The following KCTD8 variants were observed in gnomAD, a reference collection of about 807,000 sequenced individuals.
KCTD8 encodes potassium channel tetramerization domain containing 8.
In KCTD8, 27 loss-of-function variants were observed where a neutral mutation model predicts 31.5. That is an observed-to-expected ratio of 0.86 (90% confidence interval 0.63 to 1.18). The LOEUF (loss-of-function observed/expected upper bound fraction) is 1.18. KCTD8 is among the 50% of genes most tolerant of loss of function. The probability of loss-of-function intolerance (pLI) is 0.00; values close to 1 mark genes in which losing one functional copy is unlikely to be tolerated. For synonymous variants in KCTD8, 290 were observed against 280.0 expected, an observed-to-expected ratio of 1.04 and a Z score of -0.36; for missense variants, 658 against 647.7, an observed-to-expected ratio of 1.02 and a Z score of -0.17.
intron 1 of KCTD8, among the ~76,000 whole-genome samples, chr4:44,225,277 G>T (rs780000864): frequency 6.6e-6 from 1 of 152,192 alleles, no homozygotes; most frequent in Non-Finnish European, 1.5e-5. Flanking sequence ...CTAAACATGT[G>T]TCACTTTCCT....
At chr4:44,274,643 T>G (rs1010081254) in intron 1 of KCTD8, among the ~76,000 whole-genome samples, 17 of 151,914 alleles carry the variant, frequency 1.1e-4, no homozygotes, top group Non-Finnish European at 2.2e-4. Context: ...AGTCATTTCT[T>G]GGCCCATGTC....
chr4:44,293,764 G>C (rs755789981), intron 1 of KCTD8: 5 of 449,566 alleles, frequency 1.1e-5, no homozygotes, highest in Non-Finnish European at 1.8e-5. Flanking sequence ...TTGAAACATA[G>C]CCACTTGAAA....
intron 1 of KCTD8, among the ~76,000 whole-genome samples, chr4:44,299,636 G>A (rs1344853495): frequency 1.3e-5 from 2 of 151,766 alleles, no homozygotes; most frequent in Admixed American, 6.5e-5. Context: ...GCTGAGGCAG[G>A]AGAATTGCTT....
At chr4:44,346,843 G>A (rs1719050057) in intron 1 of KCTD8, among the ~76,000 whole-genome samples, 1 of 152,182 alleles carries the variant, frequency 6.6e-6, no homozygotes, top group Non-Finnish European at 1.5e-5. Context: ...GATTGGAATT[G>A]TAAACTTGGT....
intron 1 of KCTD8, among the ~76,000 whole-genome samples, chr4:44,384,142 C>CAA (rs66754022): frequency 2.7e-5 from 4 of 148,916 alleles, no homozygotes; most frequent in African/African-American, 1.0e-4. Flanking sequence ...TGCCTATTAT[C>CAA]AAAAAAAAAC....
chr4:44,202,668 T>C (rs1448758730), intron 1 of KCTD8, among the ~76,000 whole-genome samples: 1 of 152,116 alleles, frequency 6.6e-6, no homozygotes, highest in Non-Finnish European at 1.5e-5. Context: ...AAACTCACTA[T>C]TGGGTATTAT....
rs1028769175 is a variant in KCTD8 at position 44,303,003 on chromosome 4, T to G, written c.962-127753A>C. 6.6e-5 allele frequency among the ~76,000 whole-genome samples: 10 copies of G among 152,214 alleles called. 1 individual carries two copies. The highest frequency in any genetic ancestry group is 2.4e-4 in the African/African-American group (10 of 41,436). On this transcript the variant is annotated intron_variant, in intron 1 of 1. Coordinates refer to ENST00000360029, the MANE Select transcript of KCTD8 (RefSeq NM_198353.3). ...ATGTGGTTTTTGTCTTTGGTTCTGT[T>G]TATATGCTGGATTACATTTATTTAT...
At chr4:44,231,373 T>G (rs1399768623) in intron 1 of KCTD8, among the ~76,000 whole-genome samples, 1 of 152,212 alleles carries the variant, frequency 6.6e-6, no homozygotes, top group Non-Finnish European at 1.5e-5. Context: ...ATAATGTTGA[T>G]GCAAAGCATT....
intron 1 of KCTD8, among the ~76,000 whole-genome samples, chr4:44,199,587 A>G (rs532813963): frequency 6.6e-6 from 1 of 152,268 alleles, no homozygotes; most frequent in South Asian, 2.1e-4. Flanking sequence ...GCATAGATCA[A>G]AACATTTTTT....
At chr4:44,431,591 C>A (rs6855284) in intron 1 of KCTD8, among the ~76,000 whole-genome samples, 28,963 of 150,974 alleles carry the variant, frequency 0.19, 2,885 homozygotes, top group Middle Eastern at 0.24. Flanking sequence ...ACAACAACAA[C>A]AAAAAAAACC....
intron 1 of KCTD8, among the ~76,000 whole-genome samples, chr4:44,265,419 T>C (rs1716315579): frequency 6.6e-6 from 1 of 151,668 alleles, no homozygotes; most frequent in Non-Finnish European, 1.5e-5. Context: ...AGACCAAAAG[T>C]AGATAAAACC....
intron 1 of KCTD8, among the ~76,000 whole-genome samples, chr4:44,412,777 G>C (rs10028853): frequency 6.6e-6 from 1 of 152,184 alleles, no homozygotes; most frequent in Admixed American, 6.5e-5. Context: ...ACAATGATAC[G>C]TAAAAATTGA....
At chr4:44,421,069 G>A (rs1057149694) in intron 1 of KCTD8, among the ~76,000 whole-genome samples, 7 of 151,822 alleles carry the variant, frequency 4.6e-5, no homozygotes, top group Admixed American at 1.3e-4. Context: ...CTTTTGCTTT[G>A]TTTAATTCAG....
chr4:44,240,492 TTTTA>T (rs1715425340), intron 1 of KCTD8, among the ~76,000 whole-genome samples: 1 of 152,110 alleles, frequency 6.6e-6, no homozygotes, highest in Admixed American at 6.5e-5. Context: ...AGTCCCGGGA[TTTTA>T]TTTGTTTGTT....
intron 1 of KCTD8, among the ~76,000 whole-genome samples, chr4:44,175,605 C>T (rs1436014813): frequency 6.6e-6 from 1 of 152,036 alleles, no homozygotes; most frequent in African/African-American, 2.4e-5. Flanking sequence ...TTTTGTTAGC[C>T]CTCTATCTGT....
intron 1 of KCTD8, among the ~76,000 whole-genome samples, chr4:44,367,181 C>T (rs1403046750): frequency 6.6e-6 from 1 of 152,118 alleles, no homozygotes; most frequent in African/African-American, 2.4e-5. Flanking sequence ...CTACACCTTA[C>T]CTCAGGCATA....
At chr4:44,413,721 A>G (rs1477223866) in intron 1 of KCTD8, among the ~76,000 whole-genome samples, 1 of 151,962 alleles carries the variant, frequency 6.6e-6, no homozygotes, top group Non-Finnish European at 1.5e-5. Context: ...TGCCCCCCCA[A>G]AAGATGTTCA....
At chr4:44,190,133 A>C (rs888158038) in intron 1 of KCTD8, among the ~76,000 whole-genome samples, 14 of 152,222 alleles carry the variant, frequency 9.2e-5, no homozygotes, top group African/African-American at 3.4e-4. Context: ...CTAAACAAAG[A>C]TGTCAGCAAC....
rs76188983 is a variant in KCTD8, at chr4:44,216,068, G to C, written c.962-40818C>G. Among the ~76,000 whole-genome samples, 81 of 152,220 alleles carry C rather than the reference G, an allele frequency of 5.3e-4. 1 individual carries two copies. The East Asian group carries it at 0.014, about 27-fold the overall frequency. On this transcript the variant is annotated intron_variant, in intron 1 of 1. Transcript: ENST00000360029. ...AAAGTAGCATAGTAGCAGGAAATTAGTATTTGTGAAAATTATCTCCGCTAT... is the reference window on the plus strand; with the variant it reads ...AAAGTAGCATAGTAGCAGGAAATTACTATTTGTGAAAATTATCTCCGCTAT...
Sources: allele counts gnomAD v4.1 joint callset (sites outside exome capture counted in the v4.1 genomes callset), GRCh38; gene constraint gnomAD v4.1.1; transcripts MANE v1.5; gene names NCBI Gene and HGNC (gene_info 2026-07-23, HGNC 2026-07-21).